GALNT13: variants seen among roughly 807,000 people sequenced by gnomAD.
The protein encoded by GALNT13 is UDP-GalNAc:polypeptide N-acetylgalactosaminyltransferase 13.
Under a neutral mutation model 64.2 loss-of-function variants are expected in GALNT13, and 28 were observed. The ratio of observed to expected loss-of-function variants is 0.44; its 90% CI spans 0.32 to 0.60. The LOEUF is 0.60. Among genes scored for constraint, GALNT13 ranks in the 20% least tolerant of loss-of-function variants. The pLI is 0.05. For missense variants in GALNT13, 577 were observed against 669.8 expected (o/e 0.86, Z 1.53); for synonymous variants, 214 against 224.6 (o/e 0.95, Z 0.42).
chr2:153,998,277 C>T (rs1307336801), intron 3 of GALNT13, among the ~76,000 whole-genome samples: 1 of 152,062 alleles, frequency 6.6e-6, no homozygotes, highest in Non-Finnish European at 1.5e-5. Context: ...AAAAGTGTTC[C>T]TATTTCTCCA....
At chr2:153,143,466 T>A in the GALNT13 span, among the ~76,000 whole-genome samples, 2 of 152,030 alleles carry the variant, frequency 1.3e-5, no homozygotes, top group African/African-American at 4.8e-5. Flanking sequence ...TTAATCTTTC[T>A]CTTTGAGCTA....
intron 9 of GALNT13, among the ~76,000 whole-genome samples, chr2:154,317,042 G>A (rs1331382250): frequency 2.0e-5 from 3 of 151,896 alleles, no homozygotes; most frequent in Non-Finnish European, 4.4e-5. Flanking sequence ...GTGAAACCCC[G>A]ACTCTACTAA....
the GALNT13 span, among the ~76,000 whole-genome samples, chr2:153,863,379 T>C: frequency 6.6e-6 from 1 of 152,148 alleles, no homozygotes; most frequent in Non-Finnish European, 1.5e-5. Flanking sequence ...AATGTAAAAT[T>C]ATTGTCTTAG....
At chr2:153,894,286 AT>A (rs1341057129) in intron 1 of GALNT13, among the ~76,000 whole-genome samples, 2 of 152,138 alleles carry the variant, frequency 1.3e-5, no homozygotes, top group Admixed American at 1.3e-4. Flanking sequence ...AACTGGTTGA[AT>A]AAAAAGGAGG....
chr2:153,944,331 A>G (rs1691556822), intron 2 of GALNT13, 63 bp from the exon 3 acceptor site: 1 of 566,562 alleles, frequency 1.8e-6, no homozygotes, highest in African/African-American at 1.9e-5. Context: ...TTCATGTTAT[A>G]TGTTCTTTAT....
chr2:153,570,048 T>G, the GALNT13 span, among the ~76,000 whole-genome samples: 1 of 152,170 alleles, frequency 6.6e-6, no homozygotes, highest in African/African-American at 2.4e-5. Flanking sequence ...TCTTACAAAT[T>G]TACATTCTTA....
chr2:153,661,186 A>C, the GALNT13 span, among the ~76,000 whole-genome samples: 11 of 152,148 alleles, frequency 7.2e-5, no homozygotes, highest in African/African-American at 2.7e-4. Context: ...CTTCCTTTTT[A>C]TCTGTAAAAT....
At chr2:154,031,635 A>C (rs769685610) in intron 3 of GALNT13, among the ~76,000 whole-genome samples, 5 of 152,034 alleles carry the variant, frequency 3.3e-5, no homozygotes, top group Non-Finnish European at 7.4e-5. Flanking sequence ...TAAATAACAT[A>C]TATTAACAAG....
chr2:153,680,152 TAAATG>T, the GALNT13 span, among the ~76,000 whole-genome samples: 2 of 151,798 alleles, frequency 1.3e-5, no homozygotes, highest in African/African-American at 2.4e-5. Flanking sequence ...AATGAATAAA[TAAATG>T]AATATAGGGG....
the GALNT13 span, among the ~76,000 whole-genome samples, chr2:153,422,638 C>T: frequency 1.5e-5 from 2 of 137,424 alleles, no homozygotes; most frequent in Admixed American, 7.2e-5. Flanking sequence ...AAATCACTGG[C>T]AGATTAATAA....
chr2:153,585,770 G>A, the GALNT13 span, among the ~76,000 whole-genome samples: 5 of 151,694 alleles, frequency 3.3e-5, no homozygotes, highest in South Asian at 8.3e-4. Context: ...AGTAAGGGAG[G>A]ATATATTCAA....
intron 8 of GALNT13, among the ~76,000 whole-genome samples, chr2:154,300,369 G>GT (rs1268390855): frequency 1.3e-5 from 2 of 151,752 alleles, no homozygotes; most frequent in African/African-American, 4.8e-5. Context: ...TCCCAAAGTG[G>GT]TGGGATTACA....
the GALNT13 span, among the ~76,000 whole-genome samples, chr2:153,106,806 A>G: frequency 6.6e-6 from 1 of 152,156 alleles, no homozygotes; most frequent in African/African-American, 2.4e-5. Context: ...CCTACTATTT[A>G]CAGAAAACTC....
At chr2:154,173,345 TTAAA>T (rs1473743945) in intron 4 of GALNT13, among the ~76,000 whole-genome samples, 2 of 151,498 alleles carry the variant, frequency 1.3e-5, no homozygotes, top group African/African-American at 4.8e-5. Context: ...GATTTTTTAA[TTAAA>T]TTTAATTAAT....
At chr2:154,382,635 C>A (rs529540101) in intron 9 of GALNT13, among the ~76,000 whole-genome samples, 1 of 152,038 alleles carries the variant, frequency 6.6e-6, no homozygotes, top group East Asian at 1.9e-4. Context: ...TGCACAGTGT[C>A]CTGCGGGTAA....
At chr2:154,430,960 C>A (rs78244403) in intron 11 of GALNT13, among the ~76,000 whole-genome samples, 2 of 152,106 alleles carry the variant, frequency 1.3e-5, no homozygotes, top group Non-Finnish European at 2.9e-5. Flanking sequence ...TGCTACTGCA[C>A]GCTTAATATG....
At chr2:154,443,110 T>C (rs1035190475) in intron 12 of GALNT13, among the ~76,000 whole-genome samples, 1 of 152,086 alleles carries the variant, frequency 6.6e-6, no homozygotes, top group Admixed American at 6.6e-5. Context: ...CATTCCCCTG[T>C]GTAGCATTCC....
the GALNT13 span, among the ~76,000 whole-genome samples, chr2:153,129,201 T>C: frequency 6.6e-6 from 1 of 152,172 alleles, no homozygotes; most frequent in Non-Finnish European, 1.5e-5. Flanking sequence ...TACTTATATG[T>C]ATGTATAGGA....
the GALNT13 span, among the ~76,000 whole-genome samples, chr2:153,643,305 G>T: frequency 6.6e-6 from 1 of 151,364 alleles, no homozygotes; most frequent in Non-Finnish European, 1.5e-5. Context: ...ATACTTTAGG[G>T]TTTTAAACAT....
Sources: gnomAD v4.1 joint callset for allele counts (sites outside exome capture counted in the v4.1 genomes callset) on GRCh38, gnomAD v4.1.1 for gene constraint, MANE v1.5 for transcripts, NCBI Gene and HGNC (gene_info 2026-07-23, HGNC 2026-07-21) for gene names.